The following GCN1 variants were observed in gnomAD, a reference collection of about 807,000 sequenced individuals.
GCN1 encodes the protein stalled ribosome sensor GCN1.
Under a neutral mutation model 288.4 loss-of-function variants are expected in GCN1, and 90 were observed. That is an observed-to-expected ratio of 0.31 (90% CI 0.26 to 0.37). The LOEUF is 0.37. Ranked by LOEUF, GCN1 falls within the 10% of genes least tolerant of loss-of-function variation. The pLI, the probability that GCN1 is intolerant of heterozygous loss-of-function variation, is 1.00. For synonymous variants in GCN1, 1,386 were observed against 1,420.2 expected (o/e 0.98, Z 0.54); for missense variants, 2,586 against 3,419.9 (o/e 0.76, Z 6.08).
chr12:120,137,681 T>G lies in GCN1; in HGVS notation c.6527A>C (p.Asn2176Thr), dbSNP rs1443314349. 6.2e-7 allele frequency: 1 copy of G among 1,614,158 alleles called. No homozygotes were observed. Among genetic ancestry groups the G allele is most frequent in the Non-Finnish European group, 8.5e-7 (1 of 1,180,020 alleles). The stretch of plus-strand genomic sequence containing the variant: ...AGCCTTTGAGCGGGAACAGTAGATG[T>G]TGAGGATGATGGCAGCAGCTTGCCT... ...GMRQAAAIIL[N>T]IYCSRSKADY... is the part of the protein sequence containing the mutation. The change falls in exon 49 of 58, where the codon AAC becomes ACC. Residue 2176 changes from asparagine to threonine, a missense_variant. Asn to Thr is a moderately conservative substitution (Grantham distance 65). Coordinates refer to ENST00000300648, the MANE Select transcript of GCN1 (RefSeq NM_006836.2). The surrounding 1 kb of genome is among the most constrained non-coding windows in gnomAD (Gnocchi z 5.2).
chr12:120,149,175 G>A (rs1440135321), intron 36 of GCN1, among the ~76,000 whole-genome samples: 4 of 152,068 alleles, frequency 2.6e-5, no homozygotes, highest in Non-Finnish European at 5.9e-5. Flanking sequence ...GCTCTTGTCA[G>A]AGACCTGTTT....
chr12:120,147,421 G>C, intron 37 of GCN1, 149 bp from the exon 38 acceptor site: 1 of 458,890 alleles, frequency 2.2e-6, no homozygotes, highest in Non-Finnish European at 3.9e-6. Context: ...GGGGAAGACA[G>C]GAAACCCACA....
chr12:120,173,861 GTCTTATA>G, intron 13 of GCN1, 35 bp from the exon 14 acceptor site: 1 of 1,569,532 alleles, frequency 6.4e-7, no homozygotes, highest in African/African-American at 1.3e-5. Context: ...TCAGTCCAAT[GTCTTATA>G]ACCATGTCAA....
chr12:120,162,161 C>T, intron 20 of GCN1, 103 bp from the exon 21 acceptor site: 1 of 924,096 alleles, frequency 1.1e-6, no homozygotes, highest in Non-Finnish European at 1.6e-6. Flanking sequence ...TTCTTTATGC[C>T]ACTGCCTTGT....
chr12:120,151,443 G>C, intron 33 of GCN1, 52 bp from the exon 34 acceptor site: 1 of 1,596,152 alleles, frequency 6.3e-7, no homozygotes, highest in Non-Finnish European at 8.5e-7. Context: ...GCCGTTTCAT[G>C]GTTGGTGGGG....
In GCN1 at chr12:120,142,589, G is replaced by C. The variant is rs779815430; in HGVS notation, c.5747C>G (p.Pro1916Arg). Residue 1916 changes from proline (P) to arginine (R), a missense_variant, in exon 44 of 58, where the codon CCC (proline) becomes CGC (arginine). This residue lies in a region of GCN1 where 437 missense variants were observed against 570.5 expected (regional missense o/e 0.77). Coordinates refer to ENST00000300648, the MANE Select transcript of GCN1 (RefSeq NM_006836.2). This position sits in a 1 kb window ranked among gnomAD's most constrained non-coding sequence, Gnocchi z 4.9. ...HVWKIVVSNT[P>R]RTLREILPTL... ...GGGTAGGATCTCACGCAAGGTGCGG[G>C]GGGTATTGGAGACAACAATCTTCCA... 5 of 1,614,054 alleles carry C rather than the reference G, an allele frequency of 3.1e-6. No individual in the cohort carries two copies. The highest frequency in any genetic ancestry group is 4.2e-6 in the Non-Finnish European group (5 of 1,180,018).
chr12:120,149,571 GA>G, intron 36 of GCN1, 34 bp downstream of exon 36: 1 of 1,461,418 alleles, frequency 6.8e-7, no homozygotes. Flanking sequence ...TTCATAACAG[GA>G]AGCTGGGAAG....
At chr12:120,132,912 C>A (rs1308210175) in intron 53 of GCN1, among the ~76,000 whole-genome samples, 1 of 152,008 alleles carries the variant, frequency 6.6e-6, no homozygotes. Context: ...AGCCCAGGTG[C>A]CAAGCTAAAG....
At chr12:120,159,184 G>C (rs1877848651) in intron 24 of GCN1, among the ~76,000 whole-genome samples, 1 of 152,150 alleles carries the variant, frequency 6.6e-6, no homozygotes, top group African/African-American at 2.4e-5. Context: ...TCAGCCAAGA[G>C]TACAGCTCTA....
intron 1 of GCN1, among the ~76,000 whole-genome samples, chr12:120,192,610 T>C (rs1220675139): frequency 6.6e-6 from 1 of 151,840 alleles, no homozygotes; most frequent in African/African-American, 2.4e-5. Context: ...CGGGTGCCTG[T>C]AATCCCAGCT....
chr12:120,167,992 C>T (rs1878187859), intron 16 of GCN1, among the ~76,000 whole-genome samples: 1 of 152,030 alleles, frequency 6.6e-6, no homozygotes, highest in Admixed American at 6.6e-5. Context: ...ACAGCCATTA[C>T]TGCTCTGTCT....
chr12:120,157,317 G>A (rs1018940060), intron 26 of GCN1, among the ~76,000 whole-genome samples: 43 of 152,182 alleles, frequency 2.8e-4, no homozygotes, highest in Admixed American at 2.5e-3. Context: ...ACTCATCACT[G>A]ACGATATTAA....
chr12:120,151,338 C>G lies in GCN1; in HGVS notation c.4116G>C (p.Glu1372Asp), dbSNP rs140625713. 1.1e-4 allele frequency: 180 copies of G among 1,614,014 alleles called. 2 individuals carry two copies. Among genetic ancestry groups the G allele is most frequent in the Middle Eastern group, 1.7e-4 (1 of 6,054 alleles). ...CLPPLVPAIK[E>D]DAGGMIQRLM... ...GCCTCTGGATCATCCCTCCAGCATC[C>G]TCCTTGATGGCTGGCACAAGGGGTG... Residue 1372 changes from glutamate to aspartate, a missense_variant, in exon 34 of 58, where the codon GAG becomes GAC. This residue lies in a region of GCN1 where 332 missense variants were observed against 403.0 expected (regional missense o/e 0.82). Transcript: ENST00000300648.
chr12:120,178,845 C>T lies in GCN1; in HGVS notation c.525+7G>A. ...GCAATGCCCACCAGCCCCTGCAGTC[C>T]TGTCACCTCTTTCCACAGCTTCGTG... On this transcript the variant is annotated splice_region_variant and intron_variant, in intron 6 of 57. Coordinates refer to ENST00000300648, the MANE Select transcript of GCN1 (RefSeq NM_006836.2). 1 of 1,614,000 alleles carries T rather than the reference C, an allele frequency of 6.2e-7. No homozygotes were observed. The highest frequency in any genetic ancestry group is 8.5e-7 in the Non-Finnish European group (1 of 1,179,840).
rs1876923375 is a variant in GCN1 at position 120,134,270 on chromosome 12, T to TA, written c.7317+20dup. On this transcript the variant is annotated intron_variant, in intron 53 of 57. Coordinates refer to ENST00000300648, the MANE Select transcript of GCN1 (RefSeq NM_006836.2). The surrounding 1 kb of genome is among the most constrained non-coding windows in gnomAD (Gnocchi z 5.0). ...GAAACCAGTGGTCCAGTGCTGCCAC[T>TA]AGTCCTGCCTGCAGCCGTACCTCAT... The TA allele has an allele frequency of 1.3e-6, 2 of 1,536,948 alleles. No homozygotes were observed. Among genetic ancestry groups the TA allele is most frequent in the African/African-American group, 2.7e-5 (2 of 73,462 alleles).
chr12:120,160,361 C>A (rs1877887240), intron 22 of GCN1, 106 bp from the exon 23 acceptor site: 3 of 781,468 alleles, frequency 3.8e-6, no homozygotes, highest in Non-Finnish European at 6.5e-6. Context: ...CATACCAGCT[C>A]TAAGTGTGAG....
intron 54 of GCN1, 85 bp downstream of exon 54, chr12:120,131,841 T>G: frequency 1.2e-6 from 1 of 835,628 alleles, no homozygotes; most frequent in Non-Finnish European, 2.0e-6. Context: ...AAAGATCCTC[T>G]GAGGGAGGGA....
intron 45 of GCN1, 22 bp from the exon 46 acceptor site, chr12:120,138,878 G>A: frequency 8.8e-6 from 14 of 1,584,610 alleles, no homozygotes; most frequent in Middle Eastern, 1.8e-4. Context: ...AGCTACAACT[G>A]TACCAGATGC....
At position 120,156,047 on chromosome 12, in the gene GCN1, T is replaced by C. The variant is rs1165806618; in HGVS notation, c.3313-328A>G. Among the ~76,000 whole-genome samples the C allele has an allele frequency of 6.6e-6, 1 of 152,244 alleles. No individual in the cohort carries two copies. Among genetic ancestry groups the C allele is most frequent in the Non-Finnish European group, 1.5e-5 (1 of 68,042 alleles). ...TTTTACCAAAAGCCAGTGAAAACTCTGTCACATATCAATAGCAGGAGGCTG... is the reference window on the plus strand; with the variant it reads ...TTTTACCAAAAGCCAGTGAAAACTCCGTCACATATCAATAGCAGGAGGCTG... On this transcript the variant is annotated intron_variant, in intron 28 of 57. Coordinates refer to ENST00000300648, the MANE Select transcript of GCN1 (RefSeq NM_006836.2). The surrounding 1 kb of genome is among the most constrained non-coding windows in gnomAD (Gnocchi z 5.8).
Sources: gnomAD v4.1 joint callset for allele counts (sites outside exome capture counted in the v4.1 genomes callset) on GRCh38, gnomAD v4.1.1 for gene constraint, gnomAD v4.1.1 regional missense constraint, Gnocchi (gnomAD v3.1) non-coding constraint, MANE v1.5 for transcripts, NCBI Gene and HGNC (gene_info 2026-07-23, HGNC 2026-07-21) for gene names.